The following LRRN3 variants were observed in gnomAD, a reference collection of about 807,000 sequenced individuals.
LRRN3 encodes the protein leucine-rich repeat neuronal protein 3.
LRRN3 carries 15 observed loss-of-function variants against 40.1 expected under a neutral mutation model. That is an observed-to-expected ratio of 0.37 (90% CI 0.25 to 0.58). The LOEUF (loss-of-function observed/expected upper bound fraction) is 0.58. LRRN3 is among the 20% of genes least tolerant of loss of function. The probability of loss-of-function intolerance (pLI) is 0.72; values close to 1 mark genes in which losing one functional copy is unlikely to be tolerated. For synonymous variants in LRRN3, 308 were observed against 297.2 expected, an observed-to-expected ratio of 1.04 and a Z score of -0.37; for missense variants, 746 against 837.7, an observed-to-expected ratio of 0.89 and a Z score of 1.35.
chr7:111,105,170 GAAGTGCCCTTTA>G lies in LRRN3; in HGVS notation c.-359+5211_-359+5222del, dbSNP rs1785765853. 2.0e-5 allele frequency among the ~76,000 whole-genome samples: 3 copies of G among 151,778 alleles called. 1 individual carries two copies. Among genetic ancestry groups the G allele is most frequent in the Admixed American group, 2.0e-4 (3 of 15,202 alleles). On this transcript the variant is annotated intron_variant, in intron 2 of 2. Transcript: ENST00000308478. ...CAAATAAAATAACCACAAAACCTTT[GAAGTGCCCTTTA>G]AAAATTAATTTGATTCTTCTTCATG...
In LRRN3 at chr7:111,123,465, CT is replaced by C; in HGVS notation, c.695del (p.Leu232TrpfsTer7). ...INLTEIPDNA[L>X]VGLENLESIS... is the part of the protein sequence containing the mutation. Reference sequence around the variant, plus strand: ...ACCTCACAGAAATACCAGATAACGCCTTGGTTGGACTGGAAAACTTAGAAAG... The same window carrying C: ...ACCTCACAGAAATACCAGATAACGCCTGGTTGGACTGGAAAACTTAGAAAG... On this transcript the variant is annotated frameshift_variant, in exon 3 of 3. Coordinates refer to ENST00000308478, the MANE Select transcript of LRRN3 (RefSeq NM_001099658.2). LOFTEE classifies it high-confidence loss of function. The surrounding 1 kb of genome is among the most constrained non-coding windows in gnomAD (Gnocchi z 6.4). The C allele has an allele frequency of 6.2e-7, 1 of 1,613,704 alleles. No homozygotes were observed. Among genetic ancestry groups the C allele is most frequent in the Non-Finnish European group, 8.5e-7 (1 of 1,179,894 alleles).
intron 2 of LRRN3, among the ~76,000 whole-genome samples, chr7:111,119,489 A>G (rs1389799035): frequency 6.6e-6 from 1 of 152,230 alleles, no homozygotes; most frequent in Non-Finnish European, 1.5e-5. Flanking sequence ...TAAAGCACAG[A>G]TATAATAGAT....
At chr7:111,093,905 C>A (rs1797129073) in intron 1 of LRRN3, among the ~76,000 whole-genome samples, 1 of 152,070 alleles carries the variant, frequency 6.6e-6, no homozygotes, top group Non-Finnish European at 1.5e-5. Flanking sequence ...AGGCAACATG[C>A]TGAGTTAGAA....
chr7:111,107,629 T>C (rs554009084), intron 2 of LRRN3, among the ~76,000 whole-genome samples: 167 of 152,228 alleles, frequency 1.1e-3, no homozygotes, highest in African/African-American at 3.6e-3. Flanking sequence ...ATGCTTTAAT[T>C]GGGGCACTAG....
At chr7:111,111,582 T>C (rs1232535377) in intron 2 of LRRN3, among the ~76,000 whole-genome samples, 1 of 152,028 alleles carries the variant, frequency 6.6e-6, no homozygotes, top group South Asian at 2.1e-4. Flanking sequence ...GGTATAGTAG[T>C]CAAATATTAT....
At chr7:111,110,541 TGA>T (rs1251015470) in intron 2 of LRRN3, among the ~76,000 whole-genome samples, 2 of 152,202 alleles carry the variant, frequency 1.3e-5, no homozygotes, top group African/African-American at 4.8e-5. Context: ...GTTTGGATGT[TGA>T]GCTCCAAGCC....
chr7:111,110,397 A>T (rs755165753), intron 2 of LRRN3, among the ~76,000 whole-genome samples: 2 of 152,222 alleles, frequency 1.3e-5, no homozygotes, highest in Non-Finnish European at 2.9e-5. Flanking sequence ...GCTTTTATTC[A>T]CTGAAATAAT....
chr7:111,114,555 G>A (rs1319033616), intron 2 of LRRN3, among the ~76,000 whole-genome samples: 1 of 151,900 alleles, frequency 6.6e-6, no homozygotes, highest in African/African-American at 2.4e-5. Flanking sequence ...GGCCAACATG[G>A]TGAAACCCCA....
intron 2 of LRRN3, among the ~76,000 whole-genome samples, chr7:111,116,754 T>C (rs886107301): frequency 2.0e-5 from 3 of 152,148 alleles, no homozygotes; most frequent in Non-Finnish European, 4.4e-5. Context: ...TGAAACTTTA[T>C]TATCAAAGGA....
rs1336688618 is a variant in LRRN3 at position 111,122,451 on chromosome 7, T to C, written c.-322T>C. 4.6e-6 allele frequency: 1 copy of C among 215,722 alleles called. No individual in the cohort carries two copies. The highest frequency in any genetic ancestry group is 5.4e-5 in the Admixed American group (1 of 18,448). The allele number at this position is 215,722 out of a possible 1,614,324, so 13.4% of individuals were successfully genotyped here. A position where few individuals can be genotyped will look rare whatever the true frequency, so the allele number is the denominator to read the frequency against. ...TATTCCTGCAAATACTGAAGAAGCATGGGATTTAAATATTTTACTTCTAAA... is the reference window on the plus strand; with the variant it reads ...TATTCCTGCAAATACTGAAGAAGCACGGGATTTAAATATTTTACTTCTAAA... On this transcript the variant is annotated 5_prime_UTR_variant, in exon 3 of 3. The change abolishes an upstream ATG in the 5' untranslated region. Coordinates refer to ENST00000308478, the MANE Select transcript of LRRN3 (RefSeq NM_001099658.2).
chr7:111,110,211 C>T (rs1799041472), intron 2 of LRRN3, among the ~76,000 whole-genome samples: 1 of 152,144 alleles, frequency 6.6e-6, no homozygotes, highest in Non-Finnish European at 1.5e-5. Context: ...CCTATCTGTT[C>T]ATGGATATTA....
Position 111,104,388 on chromosome 7 carries a change from ACT to A in LRRN3, c.-359+4429_-359+4430del, listed in dbSNP as rs997524326. Among the ~76,000 whole-genome samples the A allele has an allele frequency of 1.8e-4, 27 of 151,784 alleles. 1 individual carries two copies. The highest frequency in any genetic ancestry group is 6.3e-4 in the African/African-American group (26 of 41,474). Reference sequence around the variant, plus strand: ...TTGTTATCTGCTTTAGATTTACCAAACTCTACATTTTGTTCTAGAAATTGTTC... The same window carrying A: ...TTGTTATCTGCTTTAGATTTACCAAACTACATTTTGTTCTAGAAATTGTTC... On this transcript the variant is annotated intron_variant, in intron 2 of 2. Coordinates refer to ENST00000308478, the MANE Select transcript of LRRN3 (RefSeq NM_001099658.2).
intron 2 of LRRN3, among the ~76,000 whole-genome samples, chr7:111,111,195 C>T (rs886356229): frequency 1.3e-5 from 2 of 150,956 alleles, no homozygotes; most frequent in Non-Finnish European, 2.9e-5. Context: ...AACTCTTTTT[C>T]TCCATTAAGA....
chr7:111,113,612 T>C (rs961080046), intron 2 of LRRN3, among the ~76,000 whole-genome samples: 1 of 151,576 alleles, frequency 6.6e-6, no homozygotes, highest in Admixed American at 6.6e-5. Context: ...TTTGGCTATC[T>C]TCCAATAAAA....
chr7:111,124,281 C>T lies in LRRN3; in HGVS notation c.1509C>T (p.Gly503=), dbSNP rs770466579. 153 of 1,613,768 alleles carry T rather than the reference C, an allele frequency of 9.5e-5. 6 individuals carry two copies. The Middle Eastern group carries it at 6.8e-3, about 71-fold the overall frequency. The change falls in exon 3 of 3, where the codon GGC becomes GGT. Residue 503 remains glycine (G), a synonymous_variant. Transcript: ENST00000308478. ...LYTCIATNLV[G]ADLKSVMIKV... is the part of the protein sequence containing the mutation. ...CTTGTATAGCAACTAACCTAGTTGGCGCTGACTTGAAGTCTGTTATGATCA... is the reference window on the plus strand; with the variant it reads ...CTTGTATAGCAACTAACCTAGTTGGTGCTGACTTGAAGTCTGTTATGATCA...
intron 2 of LRRN3, among the ~76,000 whole-genome samples, chr7:111,113,795 T>C (rs1050146485): frequency 6.6e-6 from 1 of 152,168 alleles, no homozygotes; most frequent in Non-Finnish European, 1.5e-5. Context: ...TTTCCAAATC[T>C]AGTTGGAAAT....
chr7:111,117,819 T>C (rs73420008), intron 2 of LRRN3, among the ~76,000 whole-genome samples: 3,166 of 152,174 alleles, frequency 0.021, 107 homozygotes, highest in African/African-American at 0.072. Flanking sequence ...CCATGGCAAT[T>C]TTTTTCTTCA....
intron 1 of LRRN3, among the ~76,000 whole-genome samples, chr7:111,099,317 T>C (rs1197125914): frequency 6.6e-6 from 1 of 151,732 alleles, no homozygotes; most frequent in East Asian, 1.9e-4. Flanking sequence ...ATGATGAAGA[T>C]GAAAATAGTC....
chr7:111,123,964 G>C lies in LRRN3; in HGVS notation c.1192G>C (p.Asp398His). The C allele has an allele frequency of 6.2e-7, 1 of 1,614,006 alleles. No homozygotes were observed. Among genetic ancestry groups the C allele is most frequent in the Non-Finnish European group, 8.5e-7 (1 of 1,179,988 alleles). The change falls in exon 3 of 3, where the codon GAC becomes CAC. Residue 398 changes from aspartate to histidine, a missense_variant. Coordinates refer to ENST00000308478, the MANE Select transcript of LRRN3 (RefSeq NM_001099658.2). The surrounding 1 kb of genome is among the most constrained non-coding windows in gnomAD (Gnocchi z 6.4). ...FMEPDSLFCV[D>H]PPEFQGQNVR... is the part of the protein sequence containing the mutation. ...GGAGCCAGATTCACTGTTTTGCGTG[G>C]ACCCACCTGAATTCCAAGGTCAGAA...
Sources: allele counts gnomAD v4.1 joint callset (sites outside exome capture counted in the v4.1 genomes callset), GRCh38; gene constraint gnomAD v4.1.1; non-coding constraint Gnocchi (gnomAD v3.1); transcripts MANE v1.5; gene names NCBI Gene and HGNC (gene_info 2026-07-23, HGNC 2026-07-21).